Variants in PDE5A observed in about 807,000 individuals in gnomAD.
The protein encoded by PDE5A is cGMP-specific 3',5'-cyclic phosphodiesterase.
In PDE5A, 67 loss-of-function variants were observed where a neutral mutation model predicts 110.2. The observed-to-expected ratio is 0.61, with a 90% confidence interval of 0.50 to 0.75. The LOEUF (loss-of-function observed/expected upper bound fraction) is 0.75, where lower values mean the gene tolerates loss of function less well. Ranked by LOEUF, PDE5A falls within the 30% of genes least tolerant of loss-of-function variation. The pLI is 0.00. For synonymous variants in PDE5A, 328 were observed against 351.2 expected, an observed-to-expected ratio of 0.93 and a Z score of 0.74; for missense variants, 862 against 1,045.1, an observed-to-expected ratio of 0.82 and a Z score of 2.42.
chr4:119,626,747 T>G (rs1460245172), intron 1 of PDE5A, among the ~76,000 whole-genome samples: 2 of 152,188 alleles, frequency 1.3e-5, no homozygotes, highest in Non-Finnish European at 2.9e-5. Context: ...AGGGCTATCC[T>G]CTGGGCGCTC....
intron 3 of PDE5A, among the ~76,000 whole-genome samples, chr4:119,587,303 C>T (rs976606571): frequency 2.1e-4 from 32 of 151,444 alleles, no homozygotes; most frequent in Admixed American, 7.9e-4. Flanking sequence ...CCCTGGTTCA[C>T]GCAATTCCCC....
chr4:119,579,994 ATC>A (rs1406125467), intron 3 of PDE5A, among the ~76,000 whole-genome samples: 1 of 152,190 alleles, frequency 6.6e-6, no homozygotes. Context: ...TGAAGTCCTG[ATC>A]ATTTGTTCTG....
chr4:119,569,468 A>G (rs1728065251), intron 3 of PDE5A, among the ~76,000 whole-genome samples: 1 of 152,138 alleles, frequency 6.6e-6, no homozygotes, highest in East Asian at 1.9e-4. Flanking sequence ...AAAGTTTCAC[A>G]TATACCCTGT....
chr4:119,550,017 C>G (rs1429445527), intron 9 of PDE5A: 1 of 152,182 alleles, frequency 6.6e-6, no homozygotes, highest in African/African-American at 2.4e-5. Flanking sequence ...ATAGTGGAAT[C>G]TGGTCTATGA....
At chr4:119,501,307 A>AGTT (rs1553923053) in intron 19 of PDE5A, 54 bp from the exon 20 acceptor site, 1 of 1,074,246 alleles carries the variant, frequency 9.3e-7, no homozygotes, top group Non-Finnish European at 1.4e-6. Flanking sequence ...TTATTTAGTT[A>AGTT]GTTATTACTT....
In PDE5A at chr4:119,627,409, G is replaced by T; in HGVS notation, c.152+1111C>A. ...GGCCGCGCGCCGGCGAGTGGGACCCGGGCGTCGAACCCGGGCGGGCTCCTC... is the reference window on the plus strand; with the variant it reads ...GGCCGCGCGCCGGCGAGTGGGACCCTGGCGTCGAACCCGGGCGGGCTCCTC... On this transcript the variant is annotated intron_variant, in intron 1 of 20. Coordinates refer to ENST00000354960, the MANE Select transcript of PDE5A (RefSeq NM_001083.4). The surrounding 1 kb of genome is among the most constrained non-coding windows in gnomAD (Gnocchi z 4.6). 3.4e-6 allele frequency: 2 copies of T among 592,496 alleles called. No individual in the cohort carries two copies. Among genetic ancestry groups the T allele is most frequent in the African/African-American group, 2.0e-5 (1 of 49,790 alleles). The allele number at this position is 592,496 out of a possible 1,614,324, so 36.7% of individuals were successfully genotyped here.
chr4:119,580,119 C>A (rs1728536262), intron 3 of PDE5A, among the ~76,000 whole-genome samples: 1 of 152,138 alleles, frequency 6.6e-6, no homozygotes, highest in African/African-American at 2.4e-5. Flanking sequence ...CAACCTGAGA[C>A]TGGGGTTCTT....
intron 3 of PDE5A, among the ~76,000 whole-genome samples, chr4:119,576,287 G>A (rs2928996): frequency 0.76 from 114,962 of 151,672 alleles, 43,905 homozygotes; most frequent in East Asian, 0.89. Context: ...ACGAGACAGA[G>A]AGTTAACAAG....
At chr4:119,612,537 G>A (rs1192500902) in intron 1 of PDE5A, among the ~76,000 whole-genome samples, 1 of 152,134 alleles carries the variant, frequency 6.6e-6, no homozygotes, top group African/African-American at 2.4e-5. Context: ...CATGCTTCCT[G>A]TAAAGCCTGC....
intron 1 of PDE5A, among the ~76,000 whole-genome samples, chr4:119,614,093 C>T (rs1018283349): frequency 1.6e-4 from 24 of 151,712 alleles, no homozygotes; most frequent in East Asian, 9.8e-4. Flanking sequence ...AAAAGGACCA[C>T]ACACTGTTTT....
At chr4:119,575,482 G>A (rs1300712900) in intron 3 of PDE5A, among the ~76,000 whole-genome samples, 3 of 152,222 alleles carry the variant, frequency 2.0e-5, no homozygotes, top group Non-Finnish European at 4.4e-5. Flanking sequence ...ACTAACAGCT[G>A]ATCTCTCAGC....
Position 119,575,561 on chromosome 4 carries a change from C to A in PDE5A, c.832-8417G>T, listed in dbSNP as rs547771578. Reference sequence around the variant, plus strand: ...ATTCTTAAAGAAAAGAATTTTCAACCCAGAATTTCATATCCAGCCAAACTA... The same window carrying A: ...ATTCTTAAAGAAAAGAATTTTCAACACAGAATTTCATATCCAGCCAAACTA... On this transcript the variant is annotated intron_variant, in intron 3 of 20. Coordinates refer to ENST00000354960, the MANE Select transcript of PDE5A (RefSeq NM_001083.4). Among the ~76,000 whole-genome samples the A allele has an allele frequency of 6.4e-3, 979 of 152,184 alleles. 8 individuals carry two copies. Among genetic ancestry groups the A allele is most frequent in the African/African-American group, 0.023 (941 of 41,520 alleles).
chr4:119,581,210 G>C (rs1728577779), intron 3 of PDE5A, among the ~76,000 whole-genome samples: 1 of 150,278 alleles, frequency 6.7e-6, no homozygotes, highest in South Asian at 2.2e-4. Context: ...CAGCAAAAAT[G>C]GTAAAAAGCA....
chr4:119,612,908 A>G (rs1729807730), intron 1 of PDE5A, among the ~76,000 whole-genome samples: 1 of 152,226 alleles, frequency 6.6e-6, no homozygotes. Context: ...CTACTATTAC[A>G]CAAAGCCACT....
At chr4:119,584,333 C>G (rs1728685130) in intron 3 of PDE5A, among the ~76,000 whole-genome samples, 1 of 152,100 alleles carries the variant, frequency 6.6e-6, no homozygotes, top group Non-Finnish European at 1.5e-5. Context: ...TGTTTTGTTC[C>G]CCACAAACCA....
At chr4:119,594,385 C>G (rs981871284) in intron 3 of PDE5A, among the ~76,000 whole-genome samples, 10 of 152,072 alleles carry the variant, frequency 6.6e-5, no homozygotes, top group Non-Finnish European at 1.3e-4. Flanking sequence ...TTGGGGGCCA[C>G]GATTTTAAAA....
At chr4:119,626,256 G>T (rs1225364825) in intron 1 of PDE5A, among the ~76,000 whole-genome samples, 1 of 152,040 alleles carries the variant, frequency 6.6e-6, no homozygotes, top group South Asian at 2.1e-4. Context: ...GGGAGAAAAA[G>T]TAATGGGAAA....
chr4:119,611,151 A>T (rs2110553939), intron 1 of PDE5A, among the ~76,000 whole-genome samples: 1 of 152,272 alleles, frequency 6.6e-6, no homozygotes, highest in Admixed American at 6.5e-5. Context: ...CAAACAAGTC[A>T]TCTCTGACTG....
At chr4:119,543,405 C>T (rs1727018458) in intron 9 of PDE5A, 1 of 151,948 alleles carries the variant, frequency 6.6e-6, no homozygotes, top group Non-Finnish European at 1.5e-5. Flanking sequence ...TTGTTAAAGT[C>T]CTTATCACTT....
Sources: gnomAD v4.1 joint callset for allele counts (sites outside exome capture counted in the v4.1 genomes callset) on GRCh38, gnomAD v4.1.1 for gene constraint, Gnocchi (gnomAD v3.1) non-coding constraint, MANE v1.5 for transcripts, NCBI Gene and HGNC (gene_info 2026-07-23, HGNC 2026-07-21) for gene names.